Variants in BUB3 observed in about 807,000 individuals in gnomAD.
BUB3 encodes the protein BUB3 mitotic checkpoint protein.
Under a neutral mutation model 39.9 loss-of-function variants are expected in BUB3, and 22 were observed. The observed-to-expected ratio is 0.55, with a 90% CI of 0.39 to 0.79. The LOEUF (loss-of-function observed/expected upper bound fraction) is 0.79. BUB3 is among the 30% of genes least tolerant of loss of function. The probability of loss-of-function intolerance (pLI) is 0.00; values close to 1 mark genes in which losing one functional copy is unlikely to be tolerated. For synonymous variants in BUB3, 168 were observed against 155.1 expected (o/e 1.08, Z -0.62); for missense variants, 303 against 415.4 (o/e 0.73, Z 2.35).
At chr10:123,157,933 C>T in intron 4 of BUB3, 53 bp downstream of exon 4, 1 of 1,532,706 alleles carries the variant, frequency 6.5e-7, no homozygotes, top group Non-Finnish European at 8.8e-7. Flanking sequence ...TGATTTTTGT[C>T]TTGGTGCATG....
intron 5 of BUB3, among the ~76,000 whole-genome samples, chr10:123,161,536 A>T (rs1400238212): frequency 2.0e-5 from 3 of 152,214 alleles, no homozygotes; most frequent in South Asian, 2.1e-4. Flanking sequence ...TTGTAATGGA[A>T]GTTAAAAAGT....
At position 123,167,714 on chromosome 10, in the gene BUB3, T is replaced by G. The variant is rs1047762201; in HGVS notation, c.*3879T>G. ...TATGTTTACTGCAGAAAAATTTGGA[T>G]AGCATGCAAAAAATGAAACATACTA... On this transcript the variant is annotated 3_prime_UTR_variant, in exon 8 of 8. Coordinates refer to ENST00000368865, the MANE Select transcript of BUB3 (RefSeq NM_004725.4). 1.5e-4 allele frequency: 23 copies of G among 152,150 alleles called. No individual in the cohort carries two copies. The highest frequency in any genetic ancestry group is 5.6e-4 in the African/African-American group (23 of 41,438). 9.4% of individuals were successfully genotyped at this position (152,150 alleles called of 1,614,324 possible).
At position 123,164,086 on chromosome 10, in the gene BUB3, A is replaced by G. The variant is rs1015688671; in HGVS notation, c.*251A>G. ...ACAAAATTGGAGGGCAAGTGACTGC[A>G]GTTTTGAGAATCAGTTTTGACCTTG... On this transcript the variant is annotated 3_prime_UTR_variant, in exon 8 of 8. Coordinates refer to ENST00000368865, the MANE Select transcript of BUB3 (RefSeq NM_004725.4). The G allele has an allele frequency of 9.3e-6, 11 of 1,178,468 alleles. No individual in the cohort carries two copies. The highest frequency in any genetic ancestry group is 4.2e-6 in the Non-Finnish European group (4 of 954,374). 73.0% of individuals were successfully genotyped at this position (1,178,468 alleles called of 1,614,324 possible).
rs530455050 is a variant in BUB3 at position 123,154,578 on chromosome 10, C to T, written c.-1+93C>T. On this transcript the variant is annotated intron_variant, in intron 1 of 7. Transcript: ENST00000368865. The stretch of plus-strand genomic sequence containing the variant: ...GGGCCGTTCGATTCGCAGGGGATCC[C>T]GTTTCGTTTCTGTTGTTTTCCCTTT... 73 of 211,708 alleles carry T rather than the reference C, an allele frequency of 3.4e-4. No individual in the cohort carries two copies. In the South Asian group the frequency reaches 7.4e-3, roughly 21 times the overall value. 13.1% of individuals were successfully genotyped at this position (211,708 alleles called of 1,614,324 possible).
intron 4 of BUB3, 26 bp downstream of exon 4, chr10:123,157,906 A>G (rs751389575): frequency 6.3e-7 from 1 of 1,598,966 alleles, no homozygotes; most frequent in Admixed American, 1.7e-5. Flanking sequence ...TCATTGCAGG[A>G]GTTGATGGTT....
At chr10:123,160,101 G>C (rs546425068) in intron 4 of BUB3, among the ~76,000 whole-genome samples, 2 of 152,020 alleles carry the variant, frequency 1.3e-5, no homozygotes, top group East Asian at 1.9e-4. Context: ...AAACATGAAG[G>C]CTAGGAAAAA....
intron 3 of BUB3, among the ~76,000 whole-genome samples, chr10:123,156,650 C>T (rs1319603346): frequency 1.3e-5 from 2 of 152,078 alleles, no homozygotes; most frequent in Non-Finnish European, 2.9e-5. Context: ...GGGAGAAACA[C>T]TGAAAAGCAA....
At chr10:123,158,795 G>C (rs1333230207) in intron 4 of BUB3, among the ~76,000 whole-genome samples, 1 of 152,128 alleles carries the variant, frequency 6.6e-6, no homozygotes, top group African/African-American at 2.4e-5. Context: ...ATCATATAAT[G>C]GACAGCCACA....
chr10:123,156,543 T>C (rs1248638830), intron 3 of BUB3, among the ~76,000 whole-genome samples: 1 of 152,228 alleles, frequency 6.6e-6, no homozygotes, highest in Admixed American at 6.5e-5. Context: ...CTGTAACTTA[T>C]ACTGCAGGTA....
Position 123,164,878 on chromosome 10 carries a change from A to G in BUB3, c.*1043A>G. 1 of 1,369,854 alleles carries G rather than the reference A, an allele frequency of 7.3e-7. No homozygotes were observed. Among genetic ancestry groups the G allele is most frequent in the Non-Finnish European group, 9.4e-7 (1 of 1,061,694 alleles). The allele number at this position is 1,369,854 out of a possible 1,614,324, so 84.9% of individuals were successfully genotyped here. ...CTTTAAAATTTATATTAATTTGCAA[A>G]TGTATGTCTCTGAGTAGGACTTGGA... On this transcript the variant is annotated 3_prime_UTR_variant, in exon 8 of 8. Transcript: ENST00000368865.
Position 123,157,888 on chromosome 10 carries a change from CTT to C in BUB3, c.417+10_417+11del. On this transcript the variant is annotated intron_variant, in intron 4 of 7. Transcript: ENST00000368865. Reference sequence around the variant, plus strand: ...TTCTCTCAGCCTGAAAAGGTAGGCTCTTTATATTCATTGCAGGAGTTGATGGT... The same window carrying C: ...TTCTCTCAGCCTGAAAAGGTAGGCTCTATATTCATTGCAGGAGTTGATGGT... 6.2e-7 allele frequency: 1 copy of C among 1,609,288 alleles called. No individual in the cohort carries two copies. The highest frequency in any genetic ancestry group is 1.3e-5 in the African/African-American group (1 of 74,626).
intron 2 of BUB3, 54 bp from the exon 3 acceptor site, chr10:123,155,604 G>T: frequency 1.3e-6 from 2 of 1,505,624 alleles, no homozygotes; most frequent in Admixed American, 1.7e-5. Flanking sequence ...AAATAAGAAT[G>T]TTGAAACCCT....
rs779599869 is a variant in BUB3, at chr10:123,160,391, T to C, written c.418-16T>C. On this transcript the variant is annotated splice_polypyrimidine_tract_variant and intron_variant, in intron 4 of 7. Coordinates refer to ENST00000368865, the MANE Select transcript of BUB3 (RefSeq NM_004725.4). ...CAAGAAGGTGATTTTTAGCAAGTTT[T>C]GATCTTTTTTAAAAGGTATATACCC... is the stretch of plus-strand genomic sequence containing the variant. 3.3e-6 allele frequency: 5 copies of C among 1,501,372 alleles called. No individual in the cohort carries two copies. The East Asian group carries it at 1.2e-4, about 36-fold the overall frequency. 93.0% of individuals were successfully genotyped at this position (1,501,372 alleles called of 1,614,324 possible). A position where few individuals can be genotyped will look rare whatever the true frequency, so the allele number is the denominator to read the frequency against.
Position 123,154,434 on chromosome 10 carries a change from G to T in BUB3, c.-52G>T, listed in dbSNP as rs1349700647. 6.5e-6 allele frequency: 1 copy of T among 154,834 alleles called. No individual in the cohort carries two copies. Among genetic ancestry groups the T allele is most frequent in the African/African-American group, 2.4e-5 (1 of 41,494 alleles). 9.6% of individuals were successfully genotyped at this position (154,834 alleles called of 1,614,324 possible). On this transcript the variant is annotated 5_prime_UTR_variant, in exon 1 of 8. Coordinates refer to ENST00000368865, the MANE Select transcript of BUB3 (RefSeq NM_004725.4). ...CTGAGGGAAGCAAGGAGGCGGCGGC[G>T]GCCGCAGCGAGTGGCGAGTAGTGGA...
chr10:123,162,826 C>G lies in BUB3; in HGVS notation c.969C>G (p.Pro323=). 8.1e-6 allele frequency: 13 copies of G among 1,610,798 alleles called. No homozygotes were observed. Among genetic ancestry groups the G allele is most frequent in the Non-Finnish European group, 1.1e-5 (13 of 1,178,162 alleles). ...IRQVTDAETK[P]KSPCT is the part of the protein sequence containing the mutation. ...AAGTGACAGATGCAGAAACAAAACC[C>G]AAGTGAGTATGCTTCACCTGTATTT... is the stretch of plus-strand genomic sequence containing the variant. The change falls in exon 7 of 8, where the codon CCC becomes CCG. Residue 323 remains proline, a splice_region_variant and synonymous_variant. Transcript: ENST00000368865.
chr10:123,164,311 T>C lies in BUB3; in HGVS notation c.*476T>C. 2.0e-6 allele frequency: 2 copies of C among 986,104 alleles called. No individual in the cohort carries two copies. Among genetic ancestry groups the C allele is most frequent in the Non-Finnish European group, 2.4e-6 (2 of 830,456 alleles). The allele number at this position is 986,104 out of a possible 1,614,324, so 61.1% of individuals were successfully genotyped here. On this transcript the variant is annotated 3_prime_UTR_variant, in exon 8 of 8. Coordinates refer to ENST00000368865, the MANE Select transcript of BUB3 (RefSeq NM_004725.4). ...TAATCTACAATTAAACAATATTTCC[T>C]CTTGGCCGTCCATTATTTTCTGAAG...
At chr10:123,162,954 T>C (rs935957888) in intron 7 of BUB3, 126 bp downstream of exon 7, 2 of 906,196 alleles carry the variant, frequency 2.2e-6, no homozygotes, top group South Asian at 3.1e-5. Context: ...AGGGTTGGAG[T>C]TGATGTTATC....
intron 1 of BUB3, 87 bp from the exon 2 acceptor site, chr10:123,154,831 C>T: frequency 7.0e-7 from 1 of 1,426,142 alleles, no homozygotes. Context: ...CTCGGCCCCT[C>T]CCTCTGGGGG....
At position 123,168,643 on chromosome 10, in the gene BUB3, G is replaced by A. The variant is rs1844517568; in HGVS notation, c.*4808G>A. On this transcript the variant is annotated 3_prime_UTR_variant, in exon 8 of 8. Transcript: ENST00000368865. Reference sequence around the variant, plus strand: ...CCGCTCATTGCAAGCTCCGCCTCTCGGGTTCAAGCAATTCTCCTGCCTCAG... The same window carrying A: ...CCGCTCATTGCAAGCTCCGCCTCTCAGGTTCAAGCAATTCTCCTGCCTCAG... The A allele has an allele frequency of 6.6e-6, 1 of 152,184 alleles. No individual in the cohort carries two copies. Among genetic ancestry groups the A allele is most frequent in the South Asian group, 2.1e-4 (1 of 4,826 alleles). 9.4% of individuals were successfully genotyped at this position (152,184 alleles called of 1,614,324 possible). A position where few individuals can be genotyped will look rare whatever the true frequency, so the allele number is the denominator to read the frequency against.
Sources: allele counts gnomAD v4.1 joint callset (sites outside exome capture counted in the v4.1 genomes callset), GRCh38; gene constraint gnomAD v4.1.1; transcripts MANE v1.5; gene names NCBI Gene and HGNC (gene_info 2026-07-23, HGNC 2026-07-21).